The following ZNF804B variants were observed in gnomAD, a reference collection of about 807,000 sequenced individuals.
The protein encoded by ZNF804B is zinc finger protein 804B.
Under a neutral mutation model 101.4 loss-of-function variants are expected in ZNF804B, and 80 were observed. The observed-to-expected ratio is 0.79, with a 90% CI of 0.66 to 0.95. The LOEUF (loss-of-function observed/expected upper bound fraction) is 0.95. Ranked by LOEUF, ZNF804B falls within the 40% of genes least tolerant of loss-of-function variation. The pLI, the probability that ZNF804B is intolerant of heterozygous loss-of-function variation, is 0.00. For synonymous variants in ZNF804B, 622 were observed against 558.8 expected (o/e 1.11, Z -1.59); for missense variants, 1,673 against 1,561.9 (o/e 1.07, Z -1.20).
At chr7:89,108,860 C>T (rs908735127) in intron 1 of ZNF804B, among the ~76,000 whole-genome samples, 1 of 151,904 alleles carries the variant, frequency 6.6e-6, no homozygotes, top group African/African-American at 2.4e-5. Flanking sequence ...AAAATTCAGG[C>T]TAAAAAGGAG....
chr7:89,265,568 G>C (rs1220629719), intron 2 of ZNF804B, among the ~76,000 whole-genome samples: 2 of 152,134 alleles, frequency 1.3e-5, no homozygotes, highest in African/African-American at 2.4e-5. Flanking sequence ...AATACAGAAG[G>C]ATAGTAAAAT....
intron 1 of ZNF804B, among the ~76,000 whole-genome samples, chr7:88,846,313 A>G (rs542817949): frequency 5.5e-4 from 84 of 152,332 alleles, no homozygotes; most frequent in African/African-American, 2.0e-3. Context: ...GAAAAAAACT[A>G]TGTGCCAAAA....
intron 1 of ZNF804B, among the ~76,000 whole-genome samples, chr7:89,163,642 G>A (rs1221944046): frequency 4.6e-5 from 7 of 151,382 alleles, no homozygotes; most frequent in African/African-American, 7.3e-5. Flanking sequence ...CAGTTATAAC[G>A]GAAACAGCAT....
chr7:88,815,126 TG>T (rs1790855305), intron 1 of ZNF804B, among the ~76,000 whole-genome samples: 2 of 148,414 alleles, frequency 1.3e-5, no homozygotes, highest in African/African-American at 2.4e-5. Flanking sequence ...TATGTATGTA[TG>T]GCATAGATAA....
intron 1 of ZNF804B, among the ~76,000 whole-genome samples, chr7:89,074,934 A>G (rs1789593406): frequency 6.6e-6 from 1 of 152,180 alleles, no homozygotes; most frequent in Admixed American, 6.5e-5. Flanking sequence ...GTTTTTGCAA[A>G]GAGACTGGCA....
At chr7:89,122,460 A>C (rs1790421603) in intron 1 of ZNF804B, among the ~76,000 whole-genome samples, 1 of 152,220 alleles carries the variant, frequency 6.6e-6, no homozygotes, top group Non-Finnish European at 1.5e-5. Context: ...CAGTGGGAGA[A>C]GATGAAAAAT....
chr7:89,107,018 G>A (rs1235475129), intron 1 of ZNF804B, among the ~76,000 whole-genome samples: 1 of 152,018 alleles, frequency 6.6e-6, no homozygotes, highest in African/African-American at 2.4e-5. Flanking sequence ...GAACATCTAT[G>A]GAGATGTTAT....
chr7:89,167,768 C>A (rs1165946819), intron 1 of ZNF804B, among the ~76,000 whole-genome samples: 4 of 151,998 alleles, frequency 2.6e-5, no homozygotes, highest in Non-Finnish European at 5.9e-5. Flanking sequence ...AAGCTAAAAT[C>A]TCAAACAGAA....
At chr7:89,282,456 CA>C (rs1261633668) in intron 2 of ZNF804B, among the ~76,000 whole-genome samples, 1 of 151,820 alleles carries the variant, frequency 6.6e-6, no homozygotes, top group African/African-American at 2.4e-5. Flanking sequence ...ACAACAACAG[CA>C]AAAAAAGACT....
At chr7:88,971,889 A>G (rs879293507) in intron 1 of ZNF804B, among the ~76,000 whole-genome samples, 1 of 151,500 alleles carries the variant, frequency 6.6e-6, no homozygotes, top group Non-Finnish European at 1.5e-5. Flanking sequence ...CTGGAGTGGA[A>G]GAGATTAAGT....
In ZNF804B at chr7:88,986,906, TTTG is replaced by T. The variant is rs529018030; in HGVS notation, c.108+226825_108+226827del. Among the ~76,000 whole-genome samples the T allele has an allele frequency of 1.3e-4, 20 of 152,218 alleles. No homozygotes were observed. The East Asian group carries it at 3.5e-3, about 27-fold the overall frequency. On this transcript the variant is annotated intron_variant, in intron 1 of 3. Transcript: ENST00000333190. ...GCCAAATAAAGTTGTTTTGTTTTGT[TTTG>T]TTTTGTTTTAACAGTACCTCATTTC...
chr7:89,104,715 G>A (rs1193117869), intron 1 of ZNF804B, among the ~76,000 whole-genome samples: 1 of 151,288 alleles, frequency 6.6e-6, no homozygotes, highest in African/African-American at 2.4e-5. Context: ...CCACCTTCTT[G>A]GGATGAGTCC....
At position 89,334,854 on chromosome 7, in the gene ZNF804B, C is replaced by A. The variant is rs377652682; in HGVS notation, c.1872C>A (p.Asp624Glu). 7 of 1,613,800 alleles carry A rather than the reference C, an allele frequency of 4.3e-6. No individual in the cohort carries two copies. The highest frequency in any genetic ancestry group is 5.9e-6 in the Non-Finnish European group (7 of 1,179,862). Residue 624 changes from aspartate to glutamate, a missense_variant, in exon 4 of 4, where the codon GAC becomes GAA. By Grantham distance (45) the Asp-to-Glu change is conservative. Coordinates refer to ENST00000333190, the MANE Select transcript of ZNF804B (RefSeq NM_181646.5). ...CAGTTCTAAATGATATAGATGAGGA[C>A]CTATCTTTTCCTTCCTACATCTCTA... ...RKAVLNDIDEDLSFPSYISRF... is the reference protein window; with the variant it reads ...RKAVLNDIDEELSFPSYISRF...
chr7:88,942,501 A>T (rs866643580), intron 1 of ZNF804B, among the ~76,000 whole-genome samples: 1,248 of 86,990 alleles, frequency 0.014, 23 homozygotes, highest in African/African-American at 0.043. Flanking sequence ...TATTTGAGTG[A>T]GTGTGTGTGT....
intron 1 of ZNF804B, among the ~76,000 whole-genome samples, chr7:89,049,093 C>T (rs1249105107): frequency 1.3e-5 from 2 of 152,086 alleles, no homozygotes; most frequent in Admixed American, 1.3e-4. Context: ...TATTGTCTAT[C>T]ATTAACATAT....
chr7:88,977,860 G>C (rs1793638362), intron 1 of ZNF804B, among the ~76,000 whole-genome samples: 1 of 150,574 alleles, frequency 6.6e-6, no homozygotes, highest in African/African-American at 2.4e-5. Context: ...TTTAATGTTT[G>C]CCCTTATTAC....
In ZNF804B at chr7:89,334,237, A is replaced by G. The variant is rs1791035828; in HGVS notation, c.1255A>G (p.Arg419Gly). The G allele has an allele frequency of 1.2e-6, 2 of 1,613,672 alleles. No homozygotes were observed. The highest frequency in any genetic ancestry group is 1.7e-6 in the Non-Finnish European group (2 of 1,179,824). The change falls in exon 4 of 4, where the codon AGA (arginine) becomes GGA (glycine). Residue 419 changes from arginine (R) to glycine (G), a missense_variant. Coordinates refer to ENST00000333190, the MANE Select transcript of ZNF804B (RefSeq NM_181646.5). ...NREKSLDKTE[R>G]VSKNVQRLVK... ...AGAAAAATCTTTAGATAAAACAGAAAGAGTTAGCAAAAATGTTCAAAGACT... is the reference window on the plus strand; with the variant it reads ...AGAAAAATCTTTAGATAAAACAGAAGGAGTTAGCAAAAATGTTCAAAGACT...
chr7:89,149,626 G>A (rs1790841866), intron 1 of ZNF804B, among the ~76,000 whole-genome samples: 1 of 151,882 alleles, frequency 6.6e-6, no homozygotes, highest in Admixed American at 6.6e-5. Flanking sequence ...TAAAACTTGA[G>A]ATAAGAGTTT....
At chr7:88,760,710 A>T (rs1358537384) in intron 1 of ZNF804B, among the ~76,000 whole-genome samples, 1 of 151,726 alleles carries the variant, frequency 6.6e-6, no homozygotes, top group Non-Finnish European at 1.5e-5. Context: ...TAACTTAGTA[A>T]ACTATTCAAT....
Sources: gnomAD v4.1 joint callset for allele counts (sites outside exome capture counted in the v4.1 genomes callset) on GRCh38, gnomAD v4.1.1 for gene constraint, MANE v1.5 for transcripts, NCBI Gene and HGNC (gene_info 2026-07-23, HGNC 2026-07-21) for gene names.